Variants in MPRIP observed in about 807,000 individuals in gnomAD.
MPRIP encodes the protein myosin phosphatase Rho interacting protein, also known as myosin phosphatase Rho-interacting protein.
A neutral mutation model predicts 234.9 loss-of-function variants in MPRIP; 59 were observed. The ratio of observed to expected loss-of-function variants is 0.25; its 90% CI spans 0.20 to 0.31. The LOEUF (loss-of-function observed/expected upper bound fraction) is 0.31, where lower values mean the gene tolerates loss of function less well. MPRIP is among the 10% of genes least tolerant of loss of function. The pLI is 1.00. For synonymous variants in MPRIP, 1,144 were observed against 1,263.9 expected (o/e 0.91, Z 2.01); for missense variants, 2,436 against 3,071.0 (o/e 0.79, Z 4.89).
In MPRIP at chr17:17,092,738, ATC is replaced by A. The variant is rs138948592; in HGVS notation, c.267+14676_267+14677del. 2.3e-3 allele frequency among the ~76,000 whole-genome samples: 342 copies of A among 150,172 alleles called. 1 individual carries two copies. The highest frequency in any genetic ancestry group is 7.6e-3 in the African/African-American group (315 of 41,194). ...TGGGGTCATTTCACCCTTGTTCTCT[ATC>A]TCTCTCTCTCTCTGTCTCCTACAGA... On this transcript the variant is annotated intron_variant, in intron 3 of 23. Transcript: ENST00000651222.
chr17:17,119,653 C>T (rs1199116942), intron 3 of MPRIP, among the ~76,000 whole-genome samples: 4 of 152,204 alleles, frequency 2.6e-5, no homozygotes, highest in Non-Finnish European at 5.9e-5. Context: ...GTGGTGAATA[C>T]ACTTCCTGCT....
chr17:17,127,327 C>CA (rs1377552349), intron 4 of MPRIP, among the ~76,000 whole-genome samples: 22 of 152,224 alleles, frequency 1.4e-4, no homozygotes, highest in Non-Finnish European at 2.4e-4. Flanking sequence ...GTCACATCCC[C>CA]AGCACCTCAC....
chr17:17,155,321 C>T (rs1328281599), intron 13 of MPRIP, among the ~76,000 whole-genome samples: 3 of 151,606 alleles, frequency 2.0e-5, no homozygotes, highest in East Asian at 1.9e-4. Flanking sequence ...AACGTGATCT[C>T]GGCTCGCTGC....
At chr17:17,151,312 C>A (rs2045597897) in intron 12 of MPRIP, among the ~76,000 whole-genome samples, 1 of 152,148 alleles carries the variant, frequency 6.6e-6, no homozygotes, top group Non-Finnish European at 1.5e-5. Context: ...GTATGTAAGT[C>A]AGAACCAGCC....
At chr17:17,063,124 G>T (rs548462207) in intron 1 of MPRIP, among the ~76,000 whole-genome samples, 1 of 152,368 alleles carries the variant, frequency 6.6e-6, no homozygotes, top group African/African-American at 2.4e-5. Flanking sequence ...AGTGACCTGG[G>T]AGCTCAGGTG....
chr17:17,126,676 G>C (rs377105206), intron 3 of MPRIP, 26 bp from the exon 4 acceptor site: 1 of 1,598,672 alleles, frequency 6.3e-7, no homozygotes, highest in Non-Finnish European at 8.5e-7. Flanking sequence ...CTGGCCTCTG[G>C]GTGACTCTCT....
rs974201463 is a variant in MPRIP at position 17,165,362 on chromosome 17, C to A, written c.3771C>A (p.Gly1257=). The A allele has an allele frequency of 1.8e-5, 23 of 1,304,072 alleles. No homozygotes were observed. Among genetic ancestry groups the A allele is most frequent in the Non-Finnish European group, 2.3e-5 (23 of 988,982 alleles). The allele number at this position is 1,304,072 out of a possible 1,614,324, so 80.8% of individuals were successfully genotyped here. ...QPVQATRAPL[G]LPHTRLEDED... is the part of the protein sequence containing the mutation. ...TCCAAGCCACTAGGGCACCTCTAGG[C>A]CTCCCACACACAAGGCTCGAGGATG... is the stretch of plus-strand genomic sequence containing the variant. The change falls in exon 16 of 24, where the codon GGC becomes GGA. Residue 1257 remains glycine (G), a synonymous_variant. Transcript: ENST00000651222.
chr17:17,067,790 C>CTTTTTTTTTTTTTTT (rs35187618), intron 1 of MPRIP, among the ~76,000 whole-genome samples: 5 of 76,746 alleles, frequency 6.5e-5, no homozygotes, highest in Admixed American at 1.6e-4. Flanking sequence ...CTTCTTCTTC[C>CTTTTTTTTTTTTTTT]TTTTTTTTTT....
At chr17:17,064,821 C>G (rs542576195) in intron 1 of MPRIP, among the ~76,000 whole-genome samples, 2 of 152,254 alleles carry the variant, frequency 1.3e-5, no homozygotes, top group East Asian at 3.9e-4. Flanking sequence ...TATAACCATT[C>G]ACATGTAGTT....
intron 1 of MPRIP, among the ~76,000 whole-genome samples, chr17:17,043,254 C>T (rs1385948251): frequency 2.0e-5 from 3 of 152,146 alleles, no homozygotes; most frequent in Non-Finnish European, 4.4e-5. Flanking sequence ...AGGAACAAAG[C>T]GCTTAGGGAT....
intron 3 of MPRIP, among the ~76,000 whole-genome samples, chr17:17,105,213 C>T (rs1053233645): frequency 2.0e-5 from 3 of 152,226 alleles, no homozygotes; most frequent in African/African-American, 4.8e-5. Context: ...CAGCATGTCT[C>T]ACCCACCCTC....
intron 14 of MPRIP, 94 bp downstream of exon 14, chr17:17,159,096 A>G: frequency 7.6e-7 from 1 of 1,323,528 alleles, no homozygotes. Context: ...TCATCTAGAC[A>G]GTCCTACCCG....
chr17:17,056,946 A>G (rs1227190864), intron 1 of MPRIP, among the ~76,000 whole-genome samples: 2 of 152,242 alleles, frequency 1.3e-5, no homozygotes, highest in African/African-American at 4.8e-5. Flanking sequence ...CTTGCAGCAC[A>G]GGTCAGAATT....
At chr17:17,044,181 A>G (rs1020737252) in intron 1 of MPRIP, among the ~76,000 whole-genome samples, 6 of 152,192 alleles carry the variant, frequency 3.9e-5, no homozygotes, top group Non-Finnish European at 5.9e-5. Flanking sequence ...GCTTAACGAA[A>G]CACTCAAGGC....
chr17:17,092,954 C>G (rs1462118286), intron 3 of MPRIP, among the ~76,000 whole-genome samples: 1 of 152,206 alleles, frequency 6.6e-6, no homozygotes, highest in Non-Finnish European at 1.5e-5. Context: ...CTGTCACTTA[C>G]CAGCCATTTG....
chr17:17,161,962 C>T (rs2045880626), intron 15 of MPRIP, among the ~76,000 whole-genome samples: 1 of 152,230 alleles, frequency 6.6e-6, no homozygotes, highest in East Asian at 1.9e-4. Flanking sequence ...CTAGCCTGGC[C>T]CAAGGGCGTG....
intron 3 of MPRIP, among the ~76,000 whole-genome samples, chr17:17,093,479 A>AT (rs1365064243): frequency 6.6e-6 from 1 of 151,800 alleles, no homozygotes; most frequent in Non-Finnish European, 1.5e-5. Flanking sequence ...TGTTGTTGTT[A>AT]TTTTTTCCGG....
At position 17,176,633 on chromosome 17, in the gene MPRIP, AAGG is replaced by A. The variant is rs2046260736; in HGVS notation, c.6957+125_6957+127del. 9 of 777,524 alleles carry A rather than the reference AAGG, an allele frequency of 1.2e-5. No homozygotes were observed. The South Asian group carries it at 1.4e-4, about 12-fold the overall frequency. 48.2% of individuals were successfully genotyped at this position (777,524 alleles called of 1,614,324 possible). A position where few individuals can be genotyped will look rare whatever the true frequency, so the allele number is the denominator to read the frequency against. ...TGAAGCAGATTTTACTCTTGTGAGG[AAGG>A]AGGTTTCCAAAATCAAGCCCTCTTA... On this transcript the variant is annotated intron_variant, in intron 21 of 23. Transcript: ENST00000651222.
chr17:17,072,708 A>G (rs1432699039), intron 1 of MPRIP, among the ~76,000 whole-genome samples: 1 of 152,084 alleles, frequency 6.6e-6, no homozygotes, highest in Non-Finnish European at 1.5e-5. Context: ...TGTGAGAGGC[A>G]AGAGTGGTGG....
Sources: gnomAD v4.1 joint callset for allele counts (sites outside exome capture counted in the v4.1 genomes callset) on GRCh38, gnomAD v4.1.1 for gene constraint, MANE v1.5 for transcripts, NCBI Gene and HGNC (gene_info 2026-07-23, HGNC 2026-07-21) for gene names.